NAV2: variants seen among roughly 807,000 people sequenced by gnomAD.
NAV2 encodes the protein neuron navigator 2, also known as helicase, APC down-regulated 1.
In NAV2, 54 loss-of-function variants were observed where a neutral mutation model predicts 223.2. The ratio of observed to expected loss-of-function variants is 0.24; its 90% CI spans 0.19 to 0.30. NAV2 has a LOEUF of 0.30. Among genes scored for constraint, NAV2 ranks in the 10% least tolerant of loss-of-function variants. The probability of loss-of-function intolerance (pLI) is 1.00; values close to 1 mark genes in which losing one functional copy is unlikely to be tolerated. For missense variants in NAV2, 2,806 were observed against 3,147.5 expected (o/e 0.89, Z 2.60); for synonymous variants, 1,279 against 1,239.3 (o/e 1.03, Z -0.67).
chr11:19,859,209 A>G (rs1814906810), intron 3 of NAV2, among the ~76,000 whole-genome samples: 1 of 134,140 alleles, frequency 7.5e-6, no homozygotes, highest in African/African-American at 2.8e-5. Context: ...GCAGGGTCAC[A>G]GGACAATAGT....
chr11:19,590,632 C>A (rs1015710427), intron 1 of NAV2, among the ~76,000 whole-genome samples: 1 of 152,104 alleles, frequency 6.6e-6, no homozygotes, highest in Non-Finnish European at 1.5e-5. Context: ...ATCAACTGAG[C>A]CAGGCCCTGG....
chr11:19,774,865 T>A (rs2056024213), intron 1 of NAV2, among the ~76,000 whole-genome samples: 2 of 152,178 alleles, frequency 1.3e-5, no homozygotes, highest in Non-Finnish European at 2.9e-5. Flanking sequence ...ATGAGTGGTA[T>A]TTTTTCACCT....
upstream of NAV2, chr11:19,711,738 G>A (rs2049888508): frequency 6.6e-6 from 1 of 152,162 alleles, no homozygotes; most frequent in Admixed American, 6.5e-5. Flanking sequence ...TTAACAACAG[G>A]GAAAATAAAG....
chr11:19,432,385 A>G (rs530693025), intron 1 of NAV2, among the ~76,000 whole-genome samples: 2 of 152,358 alleles, frequency 1.3e-5, no homozygotes, highest in East Asian at 3.9e-4. Flanking sequence ...AGCAGCTGCT[A>G]GGACAAACTG....
intron 1 of NAV2, among the ~76,000 whole-genome samples, chr11:19,761,588 A>G (rs1015578668): frequency 5.9e-5 from 9 of 152,086 alleles, no homozygotes; most frequent in Non-Finnish European, 1.0e-4. Flanking sequence ...TCAACACAAC[A>G]ATGGCCAGTG....
chr11:19,777,942 A>C (rs1026015033), intron 1 of NAV2: 2 of 455,320 alleles, frequency 4.4e-6, no homozygotes, highest in Non-Finnish European at 8.8e-6. Flanking sequence ...ATTGATCTCT[A>C]CTGCGGTTTG....
intron 1 of NAV2, among the ~76,000 whole-genome samples, chr11:19,820,141 C>A (rs1430323595): frequency 6.6e-6 from 1 of 152,238 alleles, no homozygotes; most frequent in African/African-American, 2.4e-5. Flanking sequence ...TGTGACCAGA[C>A]CAGAGAGAGG....
Position 19,497,345 on chromosome 11 carries a change from G to A in NAV2, c.75+146318G>A, listed in dbSNP as rs182123417. On this transcript the variant is annotated intron_variant, in intron 1 of 37. Coordinates refer to the NAV2 transcript ENST00000360655. ...TAAAACATAGTCTGGTGTATAGTAG[G>A]TGCTCAGTAACGGGTAGCTCTCTCT... Among the ~76,000 whole-genome samples, 183 of 152,294 alleles carry A rather than the reference G, an allele frequency of 1.2e-3. 1 individual carries two copies. The highest frequency in any genetic ancestry group is 4.0e-3 in the African/African-American group (166 of 41,556).
chr11:19,530,107 G>C lies in NAV2; in HGVS notation c.75+179080G>C, dbSNP rs1430436070. On this transcript the variant is annotated intron_variant, in intron 1 of 37. Coordinates refer to the NAV2 transcript ENST00000360655. ...GAGCAAGTCACCATTGTCACCACTG[G>C]AAGTGGTGAGGAAGATCACTTGCAG... Among the ~76,000 whole-genome samples, 3 of 152,306 alleles carry C rather than the reference G, an allele frequency of 2.0e-5. No homozygotes were observed. In the East Asian group the frequency reaches 5.8e-4, roughly 29 times the overall value.
In NAV2 at chr11:19,836,628, C is replaced by T. The variant is rs569629931; in HGVS notation, c.385+4027C>T. On this transcript the variant is annotated intron_variant, in intron 2 of 37. Transcript: ENST00000349880. ...TGCTTCTATAAAAAGTAGTCAACAA[C>T]CTCTATTAATTACTTCCTGTGATGG... 3.3e-5 allele frequency among the ~76,000 whole-genome samples: 5 copies of T among 151,442 alleles called. No individual in the cohort carries two copies. The South Asian group carries it at 1.0e-3, about 32-fold the overall frequency.
chr11:19,859,740 C>A (rs2061587980), intron 3 of NAV2, among the ~76,000 whole-genome samples: 1 of 151,294 alleles, frequency 6.6e-6, no homozygotes, highest in African/African-American at 2.4e-5. Flanking sequence ...CCCCTCACCT[C>A]CCGGACCGGG....
Position 19,776,642 on chromosome 11 carries a change from G to GTGT in NAV2, c.268-55841_268-55839dup, listed in dbSNP as rs1165605847. Reference sequence around the variant, plus strand: ...TGTGGGGGTCAGAAAATGTGTGTGTGTGTGTGTGTGTGTGTGTGTGTGTGT... The same window carrying GTGT: ...TGTGGGGGTCAGAAAATGTGTGTGTGTGTTGTGTGTGTGTGTGTGTGTGTGTGT... On this transcript the variant is annotated intron_variant, in intron 1 of 37. Coordinates refer to ENST00000349880, the MANE Select transcript of NAV2 (RefSeq NM_145117.5). Among the ~76,000 whole-genome samples the GTGT allele has an allele frequency of 2.1e-5, 3 of 145,534 alleles. 1 individual carries two copies. Among genetic ancestry groups the GTGT allele is most frequent in the Non-Finnish European group, 4.6e-5 (3 of 65,800 alleles).
intron 2 of NAV2, among the ~76,000 whole-genome samples, chr11:19,834,587 G>A (rs1247541416): frequency 6.6e-6 from 1 of 151,808 alleles, no homozygotes; most frequent in African/African-American, 2.4e-5. Context: ...GATGGTCATG[G>A]AAATACCACT....
intron 1 of NAV2, among the ~76,000 whole-genome samples, chr11:19,765,367 A>ATCTTCCCT (rs1590376825): frequency 8.9e-6 from 1 of 112,252 alleles, no homozygotes; most frequent in East Asian, 2.2e-4. Context: ...TGTCCTCCTC[A>ATCTTCCCT]TCTTCCCTTC....
In NAV2 at chr11:19,404,933, T is replaced by G. The variant is rs898623026; in HGVS notation, c.75+53906T>G. On this transcript the variant is annotated intron_variant, in intron 1 of 37. Transcript: ENST00000360655. ...TGGTCTTCAAAGCCCCACTGCCAAG[T>G]GGCTGGTTGCCTTCCCTCCTCTCTC... 5.6e-4 allele frequency among the ~76,000 whole-genome samples: 85 copies of G among 152,184 alleles called. 1 individual carries two copies. The highest frequency in any genetic ancestry group is 2.5e-4 in the Non-Finnish European group (17 of 68,040).
chr11:19,397,816 C>T (rs543882255), intron 1 of NAV2, among the ~76,000 whole-genome samples: 32 of 152,128 alleles, frequency 2.1e-4, no homozygotes, highest in Non-Finnish European at 4.0e-4. Context: ...ATCTGTAAAC[C>T]GGGAGGACTG....
intron 1 of NAV2, among the ~76,000 whole-genome samples, chr11:19,637,145 C>A (rs1262702589): frequency 6.6e-6 from 1 of 152,220 alleles, no homozygotes; most frequent in Non-Finnish European, 1.5e-5. Context: ...AGCCTGGGTT[C>A]TTGGGATTGT....
At chr11:19,396,375 G>A (rs922562986) in intron 1 of NAV2, among the ~76,000 whole-genome samples, 5 of 152,114 alleles carry the variant, frequency 3.3e-5, no homozygotes, top group African/African-American at 1.2e-4. Flanking sequence ...TCAGCCCAGT[G>A]GTGTCTGCCT....
intron 1 of NAV2, among the ~76,000 whole-genome samples, chr11:19,540,647 A>G (rs2044314034): frequency 6.6e-6 from 1 of 152,178 alleles, no homozygotes; most frequent in African/African-American, 2.4e-5. Flanking sequence ...TTCCTTCAAG[A>G]CACTCTGAGA....
Sources: gnomAD v4.1 joint callset for allele counts (sites outside exome capture counted in the v4.1 genomes callset) on GRCh38, gnomAD v4.1.1 for gene constraint, MANE v1.5 for transcripts, NCBI Gene and HGNC (gene_info 2026-07-23, HGNC 2026-07-21) for gene names.